Variants in PEX13 observed in about 807,000 individuals in gnomAD.
PEX13 encodes the protein peroxisome biogenesis factor 13.
A neutral mutation model predicts 34.5 loss-of-function variants in PEX13; 28 were observed. That is an observed-to-expected ratio of 0.81 (90% CI 0.60 to 1.11). The LOEUF is 1.11. PEX13 is among the 50% of genes most tolerant of loss of function. The probability of loss-of-function intolerance (pLI) is 0.00; values close to 1 mark genes in which losing one functional copy is unlikely to be tolerated. For missense variants in PEX13, 550 were observed against 491.0 expected, an observed-to-expected ratio of 1.12 and a Z score of -1.13; for synonymous variants, 177 against 175.1, an observed-to-expected ratio of 1.01 and a Z score of -0.09.
chr2:61,029,395 A>G (rs1437879824), intron 1 of PEX13, among the ~76,000 whole-genome samples: 2 of 152,196 alleles, frequency 1.3e-5, no homozygotes, highest in Non-Finnish European at 2.9e-5. Context: ...GCGAGAATGT[A>G]AAATGGTACA....
intron 1 of PEX13, 136 bp downstream of exon 1, chr2:61,017,987 A>C: frequency 2.3e-6 from 3 of 1,316,586 alleles, no homozygotes; most frequent in Non-Finnish European, 3.1e-6. Context: ...ATAGGGGCCG[A>C]GGTGGAGCTG....
chr2:61,027,587 A>G (rs1043070246), intron 1 of PEX13, among the ~76,000 whole-genome samples: 3 of 152,130 alleles, frequency 2.0e-5, no homozygotes, highest in Non-Finnish European at 2.9e-5. Context: ...TTCCATTTTA[A>G]TGGAGCACTT....
intron 1 of PEX13, among the ~76,000 whole-genome samples, chr2:61,025,894 C>T (rs1011323562): frequency 3.3e-5 from 5 of 152,166 alleles, no homozygotes; most frequent in Non-Finnish European, 7.3e-5. Flanking sequence ...TAGCATATTT[C>T]CCTTTTTAAG....
Position 61,017,829 on chromosome 2 carries a change from C to T in PEX13, c.70C>T (p.Pro24Ser). 1 of 1,550,512 alleles carries T rather than the reference C, an allele frequency of 6.4e-7. No individual in the cohort carries two copies. Among genetic ancestry groups the T allele is most frequent in the Non-Finnish European group, 8.7e-7 (1 of 1,146,760 alleles). ...TRRIPGAGPG[P>S]GPGPTFQSAD... The stretch of plus-strand genomic sequence containing the variant: ...CCGAATTCCGGGAGCCGGACCGGGA[C>T]CAGGACCGGGCCCCACTTTCCAGTG... Residue 24 changes from proline to serine, a missense_variant, in exon 1 of 4, where the codon CCA (proline) becomes TCA (serine). Transcript: ENST00000295030.
chr2:61,035,880 G>A (rs1680526622), intron 2 of PEX13, among the ~76,000 whole-genome samples: 1 of 151,970 alleles, frequency 6.6e-6, no homozygotes, highest in Non-Finnish European at 1.5e-5. Context: ...CTACTAGGGA[G>A]GCTGAGGCAG....
At position 61,043,377 on chromosome 2, in the gene PEX13, C is replaced by G. The variant is rs138793365; in HGVS notation, c.788-2349C>G. Among the ~76,000 whole-genome samples, 773 of 146,204 alleles carry G rather than the reference C, an allele frequency of 5.3e-3. 3 individuals are homozygous for G. Among genetic ancestry groups the G allele is most frequent in the Non-Finnish European group, 8.4e-3 (558 of 66,578 alleles). ...ACAAATTTTCAAAAAAAAGACAGTA[C>G]TGCTTAGTTGTTTATTTGAGAAATC... On this transcript the variant is annotated intron_variant, in intron 2 of 3. Transcript: ENST00000295030.
At chr2:61,045,230 T>C (rs139516964) in intron 2 of PEX13, among the ~76,000 whole-genome samples, 1 of 152,236 alleles carries the variant, frequency 6.6e-6, no homozygotes, top group Non-Finnish European at 1.5e-5. Context: ...CAAATTAGAA[T>C]TAGCAAGTGA....
intron 1 of PEX13, 181 bp downstream of exon 1, chr2:61,018,032 G>A: frequency 7.0e-7 from 1 of 1,424,280 alleles, no homozygotes; most frequent in Non-Finnish European, 9.4e-7. Context: ...GTGTCTCACA[G>A]CTGTTTCTGA....
chr2:61,025,130 G>C (rs915266031), intron 1 of PEX13, among the ~76,000 whole-genome samples: 2 of 138,634 alleles, frequency 1.4e-5, no homozygotes, highest in Non-Finnish European at 3.1e-5. Context: ...GTGCAGTGGC[G>C]TGATCTCGGC....
Position 61,017,785 on chromosome 2 carries a change from C to G in PEX13, c.26C>G (p.Pro9Arg), listed in dbSNP as rs764069625. 97 of 1,550,328 alleles carry G rather than the reference C, an allele frequency of 6.3e-5. No homozygotes were observed. Among genetic ancestry groups the G allele is most frequent in the Admixed American group, 1.2e-4 (6 of 50,938 alleles). Residue 9 changes from proline to arginine, a missense_variant, in exon 1 of 4, where the codon CCC (proline) becomes CGC (arginine). Transcript: ENST00000295030. ...ATGGCGTCCCAGCCGCCACCTCCCC[C>G]CAAACCCTGGGAGACCCGCCGAATT... MASQPPPP[P>R]KPWETRRIPG...
At chr2:61,022,098 C>G (rs1680273747) in intron 1 of PEX13, among the ~76,000 whole-genome samples, 1 of 152,186 alleles carries the variant, frequency 6.6e-6, no homozygotes, top group African/African-American at 2.4e-5. Context: ...GCTGAAAATT[C>G]TAAAAATCAG....
At chr2:61,043,760 G>C (rs1308297840) in intron 2 of PEX13, among the ~76,000 whole-genome samples, 1 of 152,178 alleles carries the variant, frequency 6.6e-6, no homozygotes, top group Non-Finnish European at 1.5e-5. Context: ...ATTTTTGTCA[G>C]ATACAGAAGC....
intron 1 of PEX13, among the ~76,000 whole-genome samples, chr2:61,020,255 T>TTACCTCCA (rs1214782123): frequency 6.6e-6 from 1 of 152,112 alleles, no homozygotes; most frequent in Non-Finnish European, 1.5e-5. Context: ...AAACTTATAA[T>TTACCTCCA]TACCTCCATG....
chr2:61,040,792 TAGTATATATA>T (rs1170321495), intron 2 of PEX13, among the ~76,000 whole-genome samples: 2 of 147,906 alleles, frequency 1.4e-5, no homozygotes, highest in African/African-American at 4.9e-5. Flanking sequence ...TATTAAAGTA[TAGTATATATA>T]AGTATATATG....
At chr2:61,031,291 C>T in intron 1 of PEX13, 128 bp from the exon 2 acceptor site, 3 of 763,394 alleles carry the variant, frequency 3.9e-6, no homozygotes, top group Middle Eastern at 2.6e-4. Context: ...GACCCTGTCT[C>T]TAAATCAATT....
intron 1 of PEX13, among the ~76,000 whole-genome samples, chr2:61,021,824 G>A (rs1352974978): frequency 1.3e-5 from 2 of 152,196 alleles, no homozygotes; most frequent in Admixed American, 6.5e-5. Context: ...GCTTCCAGAG[G>A]AAGGATCAGG....
At chr2:61,017,915 G>A in intron 1 of PEX13, 64 bp downstream of exon 1, 1 of 1,479,342 alleles carries the variant, frequency 6.8e-7, no homozygotes, top group Non-Finnish European at 9.2e-7. Context: ...GCAGGAGGCG[G>A]TTGTAGCGGT....
intron 1 of PEX13, chr2:61,018,101 T>C (rs1680135487): frequency 6.5e-7 from 1 of 1,543,956 alleles, no homozygotes; most frequent in East Asian, 2.4e-5. Flanking sequence ...TCTCTGGGTC[T>C]CTGTGCTTGA....
rs1680445597 is a variant in PEX13 at position 61,031,347 on chromosome 2, A to T, written c.93-72A>T. On this transcript the variant is annotated intron_variant, in intron 1 of 3. Transcript: ENST00000295030. Reference sequence around the variant, plus strand: ...TGTCATAGCACCAGGTATATAGGAGATGTTTAATACTTACTTTGAATTGAA... The same window carrying T: ...TGTCATAGCACCAGGTATATAGGAGTTGTTTAATACTTACTTTGAATTGAA... 3 of 1,065,026 alleles carry T rather than the reference A, an allele frequency of 2.8e-6. No individual in the cohort carries two copies. In the East Asian group the frequency reaches 7.4e-5, roughly 26 times the overall value. The allele number at this position is 1,065,026 out of a possible 1,614,324, so 66.0% of individuals were successfully genotyped here.
Sources: gnomAD v4.1 joint callset for allele counts (sites outside exome capture counted in the v4.1 genomes callset) on GRCh38, gnomAD v4.1.1 for gene constraint, MANE v1.5 for transcripts, NCBI Gene and HGNC (gene_info 2026-07-23, HGNC 2026-07-21) for gene names.